CTNNA3: variants seen among roughly 807,000 people sequenced by gnomAD.
The protein encoded by CTNNA3 is catenin alpha 3, also known as catenin alpha-3.
A neutral mutation model predicts 95.7 loss-of-function variants in CTNNA3; 76 were observed. The ratio of observed to expected loss-of-function variants is 0.79; its 90% CI spans 0.66 to 0.96. CTNNA3 has a LOEUF of 0.96. Among genes scored for constraint, CTNNA3 ranks in the 40% least tolerant of loss-of-function variants. The pLI is 0.00. For missense variants in CTNNA3, 1,191 were observed against 1,089.8 expected (o/e 1.09, Z -1.31); for synonymous variants, 431 against 374.4 (o/e 1.15, Z -1.74).
intron 5 of CTNNA3, among the ~76,000 whole-genome samples, chr10:67,431,121 T>A (rs935296736): frequency 6.6e-6 from 1 of 151,946 alleles, no homozygotes; most frequent in Non-Finnish European, 1.5e-5. Context: ...CTGTCATAGG[T>A]ATTTTCACCT....
At chr10:67,662,706 A>C (rs1002655278) in intron 1 of CTNNA3, among the ~76,000 whole-genome samples, 35 of 152,238 alleles carry the variant, frequency 2.3e-4, no homozygotes, top group African/African-American at 8.2e-4. Context: ...CAGTTGATGT[A>C]ATCAGTTGAC....
chr10:66,873,377 T>A (rs988194053), intron 7 of CTNNA3, among the ~76,000 whole-genome samples: 2 of 109,620 alleles, frequency 1.8e-5, no homozygotes, highest in Non-Finnish European at 4.2e-5. Flanking sequence ...GTTTGTTTTT[T>A]GTTTTTTTTT....
intron 15 of CTNNA3, among the ~76,000 whole-genome samples, chr10:66,006,647 T>C (rs2078891794): frequency 6.6e-6 from 1 of 152,182 alleles, no homozygotes; most frequent in Non-Finnish European, 1.5e-5. Flanking sequence ...CCTGGGCATT[T>C]TTTCCAGCTT....
At chr10:67,223,663 ATTATTTTAAAAAATACAAGTGGAGG>A (rs1184479669) in intron 5 of CTNNA3, among the ~76,000 whole-genome samples, 2 of 152,236 alleles carry the variant, frequency 1.3e-5, no homozygotes, top group Admixed American at 6.5e-5. Context: ...ATTTAGGAAT[ATTATTTTAAAAAATACAAGTGGAGG>A]GCTTTAAGCT....
chr10:66,621,617 G>T, intron 10 of CTNNA3, 75 bp downstream of exon 10: 10 of 767,022 alleles, frequency 1.3e-5, no homozygotes, highest in Non-Finnish European at 2.1e-5. Context: ...AAAAAAAATA[G>T]TGTATTTTCA....
chr10:66,440,253 A>G (rs915111559), intron 11 of CTNNA3, among the ~76,000 whole-genome samples: 21 of 152,150 alleles, frequency 1.4e-4, no homozygotes, highest in African/African-American at 4.8e-4. Context: ...TTTTTCTTTG[A>G]TTATTAGTAC....
At chr10:67,726,654 A>G in intron 1 of CTNNA3, among the ~76,000 whole-genome samples, 1 of 85,250 alleles carries the variant, frequency 1.2e-5, no homozygotes, top group Non-Finnish European at 2.0e-5. Flanking sequence ...ATACTATAAT[A>G]TATTATATAT....
At position 66,927,295 on chromosome 10, in the gene CTNNA3, A is replaced by G; in HGVS notation, c.1048-151771T>C. 1 of 1,614,120 alleles carries G rather than the reference A, an allele frequency of 6.2e-7. No homozygotes were observed. On this transcript the variant is annotated intron_variant, in intron 7 of 17. Transcript: ENST00000433211. The surrounding 1 kb of genome is among the most constrained non-coding windows in gnomAD (Gnocchi z 4.7). ...CAATAGAATCTCCTATTTTCTTAAC[A>G]ATACCTTCAGACCTGTGACAAATTT...
intron 5 of CTNNA3, among the ~76,000 whole-genome samples, chr10:67,297,498 C>G (rs991994068): frequency 6.6e-6 from 1 of 152,182 alleles, no homozygotes; most frequent in Non-Finnish European, 1.5e-5. Context: ...TACACCTATC[C>G]CCTATAGCTG....
chr10:67,173,258 C>G (rs1028274529), intron 7 of CTNNA3, among the ~76,000 whole-genome samples: 2 of 152,142 alleles, frequency 1.3e-5, no homozygotes, highest in Non-Finnish European at 2.9e-5. Flanking sequence ...GCTCACATCT[C>G]TTTTCCTCAC....
intron 5 of CTNNA3, among the ~76,000 whole-genome samples, chr10:67,520,261 C>T (rs1323483052): frequency 6.6e-6 from 1 of 152,162 alleles, no homozygotes; most frequent in African/African-American, 2.4e-5. Context: ...TCTTTATGCA[C>T]ATATAATTTA....
intron 9 of CTNNA3, among the ~76,000 whole-genome samples, chr10:66,751,651 C>A (rs1446072329): frequency 6.6e-6 from 1 of 152,156 alleles, no homozygotes; most frequent in Non-Finnish European, 1.5e-5. Context: ...ACTCTATGCT[C>A]TTTCCTACTA....
chr10:66,272,101 ACTAAG>A (rs781363830), intron 13 of CTNNA3, among the ~76,000 whole-genome samples: 6 of 152,132 alleles, frequency 3.9e-5, no homozygotes, highest in Non-Finnish European at 7.4e-5. Context: ...ACTTCTTTCC[ACTAAG>A]GTTTGATTTA....
chr10:66,552,208 T>C (rs1004882280), intron 10 of CTNNA3, among the ~76,000 whole-genome samples: 3 of 152,144 alleles, frequency 2.0e-5, no homozygotes, highest in African/African-American at 7.2e-5. Context: ...TGGCCGGGAT[T>C]AGGGAATCTT....
rs998932520 is a variant in CTNNA3 at position 67,068,589 on chromosome 10, T to C, written c.1047+111728A>G. On this transcript the variant is annotated intron_variant, in intron 7 of 17. Coordinates refer to ENST00000433211, the MANE Select transcript of CTNNA3 (RefSeq NM_013266.4). ...AGAACAGAACTTTGGACAGTTCTTA[T>C]ATTTTAGTAATTATCAGAGAAAAAA... 3.9e-5 allele frequency among the ~76,000 whole-genome samples: 6 copies of C among 152,184 alleles called. 1 individual carries two copies. In the East Asian group the frequency reaches 9.6e-4, roughly 24 times the overall value.
intron 12 of CTNNA3, among the ~76,000 whole-genome samples, chr10:66,346,891 G>A (rs1299537376): frequency 6.6e-6 from 1 of 151,976 alleles, no homozygotes; most frequent in Middle Eastern, 3.2e-3. Flanking sequence ...TTGAGGTGAT[G>A]AGATTAAGAA....
At chr10:66,902,027 G>A (rs879461175) in intron 7 of CTNNA3, among the ~76,000 whole-genome samples, 6 of 152,002 alleles carry the variant, frequency 3.9e-5, no homozygotes, top group South Asian at 2.1e-4. Flanking sequence ...ACCCCCAAGC[G>A]GACCTATTAG....
intron 12 of CTNNA3, among the ~76,000 whole-genome samples, chr10:66,321,704 G>A (rs954664315): frequency 4.6e-5 from 7 of 151,838 alleles, no homozygotes; most frequent in African/African-American, 9.7e-5. Flanking sequence ...TATACTCTCC[G>A]AGTGTATTTT....
intron 9 of CTNNA3, among the ~76,000 whole-genome samples, chr10:66,727,004 T>A (rs1564642615): frequency 1.3e-5 from 2 of 152,098 alleles, no homozygotes; most frequent in Non-Finnish European, 2.9e-5. Context: ...GAGAACATGT[T>A]TAAAAGCACC....
Sources: allele counts gnomAD v4.1 joint callset (sites outside exome capture counted in the v4.1 genomes callset), GRCh38; gene constraint gnomAD v4.1.1; non-coding constraint Gnocchi (gnomAD v3.1); transcripts MANE v1.5; gene names NCBI Gene and HGNC (gene_info 2026-07-23, HGNC 2026-07-21).